MDGA2: variants seen among roughly 807,000 people sequenced by gnomAD.
MDGA2 encodes MAM domain-containing glycosylphosphatidylinositol anchor protein 2.
MDGA2 carries 40 observed loss-of-function variants against 117.8 expected under a neutral mutation model. That is an observed-to-expected ratio of 0.34 (90% confidence interval 0.26 to 0.44). The LOEUF (loss-of-function observed/expected upper bound fraction) is 0.44, where lower values mean the gene tolerates loss of function less well. MDGA2 is among the 20% of genes least tolerant of loss of function. The pLI, the probability that MDGA2 is intolerant of heterozygous loss-of-function variation, is 1.00. For synonymous variants in MDGA2, 452 were observed against 439.0 expected (o/e 1.03, Z -0.37); for missense variants, 1,123 against 1,250.6 (o/e 0.90, Z 1.54).
At chr14:47,246,837 A>T (rs8005465) in intron 2 of MDGA2, among the ~76,000 whole-genome samples, 1 of 149,434 alleles carries the variant, frequency 6.7e-6, no homozygotes, top group Non-Finnish European at 1.5e-5. Flanking sequence ...ACACACACTC[A>T]GACGTATCAA....
intron 14 of MDGA2, among the ~76,000 whole-genome samples, chr14:46,868,364 C>A (rs1213743831): frequency 6.6e-6 from 1 of 151,846 alleles, no homozygotes; most frequent in Non-Finnish European, 1.5e-5. Flanking sequence ...TGAATATTTA[C>A]ATGCAGGGCA....
At chr14:46,951,734 A>G (rs576630031) in intron 9 of MDGA2, among the ~76,000 whole-genome samples, 1 of 152,104 alleles carries the variant, frequency 6.6e-6, no homozygotes, top group South Asian at 2.1e-4. Context: ...GAGCGTCTAG[A>G]TAAGAACACA....
intron 1 of MDGA2, among the ~76,000 whole-genome samples, chr14:47,631,930 G>GTTT (rs60646667): frequency 3.0e-3 from 441 of 145,122 alleles, no homozygotes; most frequent in Non-Finnish European, 5.4e-3. Flanking sequence ...ATTTTTTTAA[G>GTTT]TTTTTTTTTT....
chr14:47,548,525 T>C (rs1895510060), intron 1 of MDGA2, among the ~76,000 whole-genome samples: 1 of 152,176 alleles, frequency 6.6e-6, no homozygotes, highest in Non-Finnish European at 1.5e-5. Flanking sequence ...TTAGTTAGCA[T>C]ATGAGCAGCA....
At chr14:46,918,976 A>G (rs1255052143) in intron 10 of MDGA2, among the ~76,000 whole-genome samples, 1 of 151,908 alleles carries the variant, frequency 6.6e-6, no homozygotes, top group Admixed American at 6.6e-5. Flanking sequence ...GTTAGCCAGG[A>G]TGGTCTCAAT....
intron 6 of MDGA2, among the ~76,000 whole-genome samples, chr14:47,079,893 G>A (rs1025147778): frequency 4.0e-5 from 6 of 151,804 alleles, no homozygotes; most frequent in African/African-American, 1.2e-4. Context: ...CACCACGCCC[G>A]GCTAATTTTT....
At chr14:47,015,707 G>A (rs1888059644) in intron 8 of MDGA2, among the ~76,000 whole-genome samples, 1 of 152,070 alleles carries the variant, frequency 6.6e-6, no homozygotes, top group Admixed American at 6.6e-5. Context: ...CAGGACTCAA[G>A]AAAGGGTAAG....
At chr14:47,519,718 G>A (rs1566495892) in intron 1 of MDGA2, among the ~76,000 whole-genome samples, 1 of 151,652 alleles carries the variant, frequency 6.6e-6, no homozygotes, top group East Asian at 1.9e-4. Context: ...TTTTCATTTG[G>A]AAAAAAAATT....
intron 14 of MDGA2, among the ~76,000 whole-genome samples, chr14:46,866,632 A>C (rs1328754357): frequency 1.3e-5 from 2 of 151,996 alleles, no homozygotes; most frequent in East Asian, 3.9e-4. Context: ...AAATTTTTGC[A>C]ACCTACTCAT....
intron 8 of MDGA2, among the ~76,000 whole-genome samples, chr14:47,012,141 A>G (rs575292620): frequency 6.6e-6 from 1 of 152,238 alleles, no homozygotes; most frequent in East Asian, 1.9e-4. Flanking sequence ...AAGTGAATTA[A>G]TTTAAAAATC....
intron 1 of MDGA2, among the ~76,000 whole-genome samples, chr14:47,461,803 C>A (rs748834371): frequency 2.6e-5 from 4 of 152,140 alleles, no homozygotes; most frequent in Admixed American, 2.0e-4. Flanking sequence ...AAGTTCAAAG[C>A]TTTCCACTTT....
chr14:47,267,517 C>G (rs1003048835), intron 2 of MDGA2, among the ~76,000 whole-genome samples: 1 of 151,596 alleles, frequency 6.6e-6, no homozygotes, highest in South Asian at 2.1e-4. Flanking sequence ...CTGTTGATTC[C>G]TAATTTCTCA....
In MDGA2 at chr14:46,855,220, C is replaced by A; in HGVS notation, c.2753-66G>T. On this transcript the variant is annotated intron_variant, in intron 14 of 16. Transcript: ENST00000399232. This position sits in a 1 kb window ranked among gnomAD's most constrained non-coding sequence, Gnocchi z 4.1. ...CACCTCAAATTTGTTTTTCCTTGACCAAACACTTGTAAACTTTTTAAACTG... is the reference window on the plus strand; with the variant it reads ...CACCTCAAATTTGTTTTTCCTTGACAAAACACTTGTAAACTTTTTAAACTG... 7.1e-7 allele frequency: 1 copy of A among 1,417,912 alleles called. No homozygotes were observed. The highest frequency in any genetic ancestry group is 2.4e-5 in the East Asian group (1 of 42,458). The allele number at this position is 1,417,912 out of a possible 1,614,324, so 87.8% of individuals were successfully genotyped here. A position where few individuals can be genotyped will look rare whatever the true frequency, so the allele number is the denominator to read the frequency against.
intron 3 of MDGA2, among the ~76,000 whole-genome samples, chr14:47,191,321 T>C (rs560292809): frequency 6.6e-6 from 1 of 151,088 alleles, no homozygotes; most frequent in East Asian, 1.9e-4. Context: ...AATTAACCAG[T>C]ATCTTTTCTT....
chr14:47,044,613 C>T (rs55818009), intron 7 of MDGA2, among the ~76,000 whole-genome samples: 13,041 of 152,162 alleles, frequency 0.086, 726 homozygotes, highest in Admixed American at 0.14. Context: ...CATCTCTTAT[C>T]ACACTCTGTA....
chr14:47,580,157 A>G (rs74046646), intron 1 of MDGA2, among the ~76,000 whole-genome samples: 5,382 of 152,114 alleles, frequency 0.035, 323 homozygotes, highest in African/African-American at 0.12. Flanking sequence ...TGTTCCTACT[A>G]CTATAATAAA....
In MDGA2 at chr14:47,319,724, G is replaced by A. The variant is rs533985596; in HGVS notation, c.281-18174C>T. 2.6e-4 allele frequency among the ~76,000 whole-genome samples: 39 copies of A among 152,214 alleles called. No individual in the cohort carries two copies. The South Asian group carries it at 7.9e-3, about 31-fold the overall frequency. ...TCTTTTGTTTGTTTGTCTTATGGCA[G>A]CAATAGGAGAAACATACTTTAAAGA... On this transcript the variant is annotated intron_variant, in intron 1 of 16. Coordinates refer to ENST00000399232, the MANE Select transcript of MDGA2 (RefSeq NM_001113498.3).
At chr14:47,368,006 G>T (rs896208805) in intron 1 of MDGA2, among the ~76,000 whole-genome samples, 1 of 152,172 alleles carries the variant, frequency 6.6e-6, no homozygotes, top group African/African-American at 2.4e-5. Flanking sequence ...ATGGCCGGGC[G>T]TGGTGGCTCA....
At chr14:47,423,550 C>T (rs1050245997) in intron 1 of MDGA2, among the ~76,000 whole-genome samples, 2 of 105,936 alleles carry the variant, frequency 1.9e-5, no homozygotes, top group Non-Finnish European at 4.0e-5. Context: ...TCCCCTATCC[C>T]CACGCCTGTG....
Sources: gnomAD v4.1 joint callset for allele counts (sites outside exome capture counted in the v4.1 genomes callset) on GRCh38, gnomAD v4.1.1 for gene constraint, Gnocchi (gnomAD v3.1) non-coding constraint, MANE v1.5 for transcripts, NCBI Gene and HGNC (gene_info 2026-07-23, HGNC 2026-07-21) for gene names.